The following UGT2B7 variants were observed in gnomAD, a reference collection of about 807,000 sequenced individuals.
The protein encoded by UGT2B7 is UDP-glucuronosyltransferase 2B7.
A neutral mutation model predicts 51.9 loss-of-function variants in UGT2B7; 51 were observed. The observed-to-expected ratio is 0.98, with a 90% confidence interval of 0.78 to 1.24. UGT2B7 has a LOEUF of 1.24. Ranked by LOEUF, UGT2B7 falls within the 50% of genes most tolerant of loss-of-function variation. The pLI is 0.00. For synonymous variants in UGT2B7, 225 were observed against 211.6 expected (o/e 1.06, Z -0.55); for missense variants, 727 against 628.4 (o/e 1.16, Z -1.68).
intron 5 of UGT2B7, among the ~76,000 whole-genome samples, chr4:69,109,829 A>G (rs1719721498): frequency 6.6e-6 from 1 of 152,122 alleles, no homozygotes; most frequent in African/African-American, 2.4e-5. Flanking sequence ...GCTACTATCA[A>G]TAATGTTTTT....
At chr4:69,071,367 A>C (rs907157798) in intron 1 of UGT2B7, among the ~76,000 whole-genome samples, 1 of 152,148 alleles carries the variant, frequency 6.6e-6, no homozygotes, top group Non-Finnish European at 1.5e-5. Context: ...ACTAAATTGT[A>C]GGTGGAATAA....
intron 1 of UGT2B7, among the ~76,000 whole-genome samples, chr4:69,075,445 G>C (rs1311738724): frequency 6.6e-6 from 1 of 151,530 alleles, no homozygotes. Context: ...ACACACTTTG[G>C]AGCCCAGTGT....
At chr4:69,069,555 C>G (rs757488552) in intron 1 of UGT2B7, 2 of 151,900 alleles carry the variant, frequency 1.3e-5, no homozygotes, top group Non-Finnish European at 2.9e-5. Context: ...ATGTGGCACT[C>G]ATTTTTAACA....
At chr4:69,068,220 G>A (rs981368198) in intron 1 of UGT2B7, among the ~76,000 whole-genome samples, 1 of 151,800 alleles carries the variant, frequency 6.6e-6, no homozygotes, top group African/African-American at 2.4e-5. Flanking sequence ...TATATTTAAT[G>A]TTCTCCAGAT....
At chr4:69,085,645 C>A (rs1049985336) in intron 1 of UGT2B7, among the ~76,000 whole-genome samples, 13 of 151,748 alleles carry the variant, frequency 8.6e-5, no homozygotes, top group Non-Finnish European at 1.5e-4. Flanking sequence ...CTGAAACTAT[C>A]AGTTCATGGT....
intron 1 of UGT2B7, among the ~76,000 whole-genome samples, chr4:69,059,748 C>T (rs1718301345): frequency 1.3e-5 from 2 of 152,196 alleles, no homozygotes; most frequent in Admixed American, 1.3e-4. Context: ...ATGCCAGTCA[C>T]CATGGAACAC....
At chr4:69,062,284 AC>A (rs1345794430) in intron 1 of UGT2B7, among the ~76,000 whole-genome samples, 1 of 152,052 alleles carries the variant, frequency 6.6e-6, no homozygotes, top group Non-Finnish European at 1.5e-5. Context: ...TCAGCCAGCC[AC>A]CCCCAATCAT....
upstream of UGT2B7, among the ~76,000 whole-genome samples, chr4:69,096,147 T>C (rs1341739285): frequency 6.6e-6 from 1 of 152,196 alleles, no homozygotes; most frequent in Admixed American, 6.6e-5. Flanking sequence ...GTGGACCATG[T>C]TTAGTCATTT....
intron 1 of UGT2B7, among the ~76,000 whole-genome samples, chr4:69,064,189 C>A (rs777079508): frequency 1.3e-5 from 2 of 151,804 alleles, no homozygotes; most frequent in Non-Finnish European, 2.9e-5. Context: ...CTAACTTGTC[C>A]CAGACGCAGC....
chr4:69,079,168 G>C (rs144492784), intron 1 of UGT2B7, among the ~76,000 whole-genome samples: 538 of 152,190 alleles, frequency 3.5e-3, no homozygotes, highest in African/African-American at 0.012. Flanking sequence ...CAGCAGAATG[G>C]GTGAGGTTTT....
chr4:69,054,146 T>TAA (rs1166856567), intron 1 of UGT2B7, among the ~76,000 whole-genome samples: 2 of 142,846 alleles, frequency 1.4e-5, no homozygotes, highest in Non-Finnish European at 3.1e-5. Context: ...TTTCATGAGT[T>TAA]AAAAAAAAAA....
chr4:69,053,546 A>G (rs1718096264), intron 1 of UGT2B7, among the ~76,000 whole-genome samples: 1 of 152,186 alleles, frequency 6.6e-6, no homozygotes, highest in Non-Finnish European at 1.5e-5. Flanking sequence ...CGTAGGCTGC[A>G]TGGTAACTCT....
At chr4:69,071,050 G>A (rs1718589800) in intron 1 of UGT2B7, among the ~76,000 whole-genome samples, 1 of 152,070 alleles carries the variant, frequency 6.6e-6, no homozygotes, top group Non-Finnish European at 1.5e-5. Flanking sequence ...ATGAGGCCTT[G>A]AATACACTTG....
In UGT2B7 at chr4:69,056,393, T is replaced by G. The variant is rs185013525; in HGVS notation, c.-159+4791T>G. 5.2e-3 allele frequency among the ~76,000 whole-genome samples: 794 copies of G among 152,304 alleles called. 11 individuals carry two copies. The highest frequency in any genetic ancestry group is 0.018 in the African/African-American group (764 of 41,566). ...CCCGTCAAGAGACTCTGATGAGAAA[T>G]GCGATCTATCAAAATAGACTAGTTC... On this transcript the variant is annotated intron_variant, in intron 1 of 5. Coordinates refer to the UGT2B7 transcript ENST00000502942.
chr4:69,076,299 G>A (rs1246014607), intron 1 of UGT2B7, among the ~76,000 whole-genome samples: 4 of 152,166 alleles, frequency 2.6e-5, no homozygotes, highest in African/African-American at 9.7e-5. Flanking sequence ...TATATGCCCA[G>A]CAATGGGAAT....
intron 1 of UGT2B7, among the ~76,000 whole-genome samples, chr4:69,069,262 G>A (rs1275084975): frequency 1.3e-5 from 2 of 152,008 alleles, no homozygotes; most frequent in South Asian, 2.1e-4. Flanking sequence ...ACCTGACCTT[G>A]TCAGATTTGT....
At chr4:69,108,802 T>C (rs1273444869) in intron 5 of UGT2B7, among the ~76,000 whole-genome samples, 1 of 152,136 alleles carries the variant, frequency 6.6e-6, no homozygotes, top group South Asian at 2.1e-4. Context: ...AAAATCCAAA[T>C]ATATTTAGTA....
At chr4:69,064,048 G>GAA (rs1218243904) in intron 1 of UGT2B7, among the ~76,000 whole-genome samples, 3 of 92,100 alleles carry the variant, frequency 3.3e-5, no homozygotes, top group African/African-American at 1.2e-4. Context: ...AAGAAAGAAA[G>GAA]AAAGAAAGAA....
intron 1 of UGT2B7, among the ~76,000 whole-genome samples, chr4:69,064,371 T>C (rs1296729338): frequency 6.6e-6 from 1 of 152,214 alleles, no homozygotes; most frequent in Non-Finnish European, 1.5e-5. Context: ...TTGTTCTCTG[T>C]AACTAGTAAC....
Sources: allele counts gnomAD v4.1 joint callset (sites outside exome capture counted in the v4.1 genomes callset), GRCh38; gene constraint gnomAD v4.1.1; transcripts MANE v1.5; gene names NCBI Gene and HGNC (gene_info 2026-07-23, HGNC 2026-07-21).